The following ENPP2 variants were observed in gnomAD, a reference collection of about 807,000 sequenced individuals.
ENPP2 encodes ectonucleotide pyrophosphatase/phosphodiesterase 2.
In ENPP2, 51 loss-of-function variants were observed where a neutral mutation model predicts 120.2. The observed-to-expected ratio is 0.42, with a 90% CI of 0.34 to 0.54. ENPP2 has a LOEUF of 0.54. ENPP2 is among the 20% of genes least tolerant of loss of function. The pLI is 0.04. For synonymous variants in ENPP2, 365 were observed against 366.4 expected (o/e 1.00, Z 0.04); for missense variants, 920 against 1,066.5 (o/e 0.86, Z 1.91).
chr8:119,562,365 T>C (rs191970375), intron 24 of ENPP2, among the ~76,000 whole-genome samples: 24 of 151,750 alleles, frequency 1.6e-4, no homozygotes, highest in African/African-American at 4.4e-4. Context: ...ATCACTTGAA[T>C]GCAGGAGGTG....
Position 119,606,150 on chromosome 8 carries a change from C to T in ENPP2, c.833+1772G>A, listed in dbSNP as rs577377859. Among the ~76,000 whole-genome samples the T allele has an allele frequency of 2.0e-5, 3 of 151,970 alleles. No homozygotes were observed. The South Asian group carries it at 6.2e-4, about 32-fold the overall frequency. ...TCTCTTAACTAACTGAAAGTGTGAT[C>T]CTATTTTTTTAAAGTTGTAAAATAC... On this transcript the variant is annotated intron_variant, in intron 9 of 24. Coordinates refer to ENST00000075322, the MANE Select transcript of ENPP2 (RefSeq NM_001040092.3).
chr8:119,570,801 C>T lies in ENPP2; in HGVS notation c.1821G>A (p.Arg607=), dbSNP rs771520865. The change falls in exon 20 of 25, where the codon CGG becomes CGA. Residue 607 remains arginine, a synonymous_variant. Transcript: ENST00000075322. ...TGTGATATAAGATATCATATCTAGTCCGATAAAGCACTGCAGGTCGCCCAT... is the reference window on the plus strand; with the variant it reads ...TGTGATATAAGATATCATATCTAGTTCGATAAAGCACTGCAGGTCGCCCAT... ...LLYGRPAVLY[R]TRYDILYHTD... 6.3e-7 allele frequency: 1 copy of T among 1,583,756 alleles called. No homozygotes were observed. Among genetic ancestry groups the T allele is most frequent in the South Asian group, 1.2e-5 (1 of 84,038 alleles).
intron 12 of ENPP2, 64 bp downstream of exon 12, chr8:119,593,688 T>C (rs1047083636): frequency 1.4e-5 from 14 of 1,031,492 alleles, no homozygotes; most frequent in Non-Finnish European, 2.1e-5. Context: ...AAGGATTCTT[T>C]TCCTCAATAT....
At chr8:119,604,591 A>C (rs28500566) in intron 9 of ENPP2, among the ~76,000 whole-genome samples, 2 of 97,430 alleles carry the variant, frequency 2.1e-5, no homozygotes, top group Non-Finnish European at 4.2e-5. Context: ...AATGGTCAAA[A>C]AAAAAAAAAA....
At chr8:119,583,515 A>G (rs1287083511) in intron 17 of ENPP2, among the ~76,000 whole-genome samples, 3 of 152,244 alleles carry the variant, frequency 2.0e-5, no homozygotes, top group Non-Finnish European at 4.4e-5. Flanking sequence ...ACGCCCCATT[A>G]GTCAACTGTT....
At chr8:119,647,407 C>T (rs1817502471) in intron 1 of ENPP2, among the ~76,000 whole-genome samples, 1 of 152,142 alleles carries the variant, frequency 6.6e-6, no homozygotes, top group Admixed American at 6.5e-5. Context: ...ATAATAGGAA[C>T]ACAATAAATA....
intron 1 of ENPP2, among the ~76,000 whole-genome samples, chr8:119,648,347 AT>A (rs1470049163): frequency 9.9e-5 from 15 of 152,264 alleles, no homozygotes; most frequent in African/African-American, 3.4e-4. Flanking sequence ...TTATGGAGAG[AT>A]TATATGTAAG....
Position 119,568,228 on chromosome 8 carries a change from T to G in ENPP2, c.2078A>C (p.Lys693Thr). ...PPYLSSSPEA[K>T]YDAFLVTNMV... is the part of the protein sequence containing the mutation. ...ATTGGTTACAAGGAATGCATCATAT[T>G]TAGCCTCTGGTGAAGAGCTCAGATC... The change falls in exon 22 of 25, where the codon AAA (lysine) becomes ACA (threonine). Residue 693 changes from lysine (K) to threonine (T), a missense_variant. Lys to Thr is a moderately conservative substitution (Grantham distance 78, BLOSUM62 -1). Transcript: ENST00000075322. 6.2e-7 allele frequency: 1 copy of G among 1,601,668 alleles called. No individual in the cohort carries two copies. The highest frequency in any genetic ancestry group is 8.6e-7 in the Non-Finnish European group (1 of 1,168,952).
At chr8:119,577,132 G>C (rs567231670) in intron 19 of ENPP2, among the ~76,000 whole-genome samples, 25 of 152,314 alleles carry the variant, frequency 1.6e-4, no homozygotes, top group African/African-American at 5.5e-4. Flanking sequence ...TACAGGTGAA[G>C]TGTGTATAGC....
At chr8:119,566,739 T>C (rs933085671) in intron 22 of ENPP2, among the ~76,000 whole-genome samples, 1 of 152,040 alleles carries the variant, frequency 6.6e-6, no homozygotes, top group Non-Finnish European at 1.5e-5. Flanking sequence ...AAAAAACACA[T>C]CAATAAAGAA....
chr8:119,636,223 CAT>C (rs1336076244), intron 2 of ENPP2, among the ~76,000 whole-genome samples: 2 of 152,216 alleles, frequency 1.3e-5, no homozygotes, highest in Non-Finnish European at 2.9e-5. Context: ...TAACCAGTCA[CAT>C]GTGTCAATCG....
At chr8:119,598,687 G>C (rs1413735484) in intron 11 of ENPP2, among the ~76,000 whole-genome samples, 2 of 152,144 alleles carry the variant, frequency 1.3e-5, no homozygotes, top group African/African-American at 4.8e-5. Flanking sequence ...TACCTCATCT[G>C]TATTATTAAA....
In ENPP2 at chr8:119,590,485, T is replaced by A. The variant is rs755936763; in HGVS notation, c.1207+20A>T. ...TTGTATTACCACTCTAACCACTTAATATTTTAAGAATCAACTTACATTTAG... is the reference window on the plus strand; with the variant it reads ...TTGTATTACCACTCTAACCACTTAAAATTTTAAGAATCAACTTACATTTAG... On this transcript the variant is annotated intron_variant, in intron 13 of 24. Transcript: ENST00000075322. 1 of 1,578,280 alleles carries A rather than the reference T, an allele frequency of 6.3e-7. No individual in the cohort carries two copies. Among genetic ancestry groups the A allele is most frequent in the African/African-American group, 1.4e-5 (1 of 73,500 alleles).
chr8:119,582,717 A>G lies in ENPP2; in HGVS notation c.1544-115T>C, dbSNP rs11994348. On this transcript the variant is annotated intron_variant, in intron 17 of 24. Transcript: ENST00000075322. ...CTGAAAACTGTGAACACAAATCAGA[A>G]CTGGACAAAACCAAATGTAGATGGC... 5.9e-3 allele frequency: 4,474 copies of G among 763,330 alleles called. 139 individuals carry two copies. In the African/African-American group the frequency reaches 0.071, roughly 12 times the overall value. 47.3% of individuals were successfully genotyped at this position (763,330 alleles called of 1,614,324 possible).
chr8:119,569,742 C>CTGTGTGTGTGTGTGTGTGTG (rs55992622), intron 20 of ENPP2, among the ~76,000 whole-genome samples: 10 of 146,310 alleles, frequency 6.8e-5, no homozygotes, highest in African/African-American at 2.3e-4. Context: ...GACTATTTAT[C>CTGTGTGTGTGTGTGTGTGTG]TGTGTGTGTG....
intron 1 of ENPP2, among the ~76,000 whole-genome samples, chr8:119,662,651 T>C (rs370170771): frequency 6.6e-6 from 1 of 152,356 alleles, no homozygotes; most frequent in East Asian, 1.9e-4. Context: ...TCACTGTCTT[T>C]TGCTTTGCAA....
chr8:119,601,772 A>G (rs138463020), intron 9 of ENPP2, among the ~76,000 whole-genome samples: 1 of 152,220 alleles, frequency 6.6e-6, no homozygotes, highest in African/African-American at 2.4e-5. Flanking sequence ...TTTCAGAATC[A>G]TTGTCATTTA....
At chr8:119,608,540 C>T (rs1587467606) in intron 8 of ENPP2, among the ~76,000 whole-genome samples, 2 of 152,304 alleles carry the variant, frequency 1.3e-5, no homozygotes, top group South Asian at 4.1e-4. Context: ...GAGGAAAGTT[C>T]CTAGAATAAG....
At chr8:119,568,318 G>A in intron 21 of ENPP2, 66 bp from the exon 22 acceptor site, 2 of 830,742 alleles carry the variant, frequency 2.4e-6, no homozygotes, top group Non-Finnish European at 4.0e-6. Flanking sequence ...AAAAAAAAAG[G>A]GAGAGGGGGG....
Sources: gnomAD v4.1 joint callset for allele counts (sites outside exome capture counted in the v4.1 genomes callset) on GRCh38, gnomAD v4.1.1 for gene constraint, MANE v1.5 for transcripts, NCBI Gene and HGNC (gene_info 2026-07-23, HGNC 2026-07-21) for gene names.